The following ACAD11 variants were observed in gnomAD, a reference collection of about 807,000 sequenced individuals.
ACAD11 encodes acyl-Coenzyme A dehydrogenase family, member 11.
ACAD11 carries 83 observed loss-of-function variants against 102.2 expected under a neutral mutation model. That is an observed-to-expected ratio of 0.81 (90% CI 0.68 to 0.97). The LOEUF (loss-of-function observed/expected upper bound fraction) is 0.97. Ranked by LOEUF, ACAD11 falls within the 50% of genes least tolerant of loss-of-function variation. ACAD11 has a pLI of 0.00. For synonymous variants in ACAD11, 324 were observed against 319.8 expected, an observed-to-expected ratio of 1.01 and a Z score of -0.14; for missense variants, 901 against 951.7, an observed-to-expected ratio of 0.95 and a Z score of 0.70.
intron 11 of ACAD11, among the ~76,000 whole-genome samples, chr3:132,616,070 C>T (rs1031358856): frequency 2.6e-5 from 4 of 152,158 alleles, no homozygotes; most frequent in Admixed American, 2.6e-4. Flanking sequence ...CTGCCTTCTT[C>T]ATCTGCTTTG....
chr3:132,588,005 C>A (rs1346856000), intron 13 of ACAD11, among the ~76,000 whole-genome samples: 1 of 152,160 alleles, frequency 6.6e-6, no homozygotes, highest in Non-Finnish European at 1.5e-5. Flanking sequence ...ACACTCTCCT[C>A]TGGTTCCTCA....
At chr3:132,561,803 T>C (rs933617277) in intron 17 of ACAD11, among the ~76,000 whole-genome samples, 1 of 152,236 alleles carries the variant, frequency 6.6e-6, no homozygotes, top group African/African-American at 2.4e-5. Flanking sequence ...CAGAACTCCC[T>C]GGTGCTGCCC....
At chr3:132,638,917 T>C (rs889987499) in intron 5 of ACAD11, among the ~76,000 whole-genome samples, 11 of 152,200 alleles carry the variant, frequency 7.2e-5, no homozygotes, top group African/African-American at 2.7e-4. Flanking sequence ...CCTACTATAC[T>C]GTAATCCTAG....
chr3:132,658,471 T>C (rs902000717), intron 1 of ACAD11, among the ~76,000 whole-genome samples: 1 of 152,236 alleles, frequency 6.6e-6, no homozygotes, highest in Non-Finnish European at 1.5e-5. Context: ...TCCTACAATA[T>C]GAACGTTACT....
In ACAD11 at chr3:132,575,816, G is replaced by A. The variant is rs112403332; in HGVS notation, c.1957C>T (p.Arg653Trp). The change falls in exon 17 of 20, where the codon CGG becomes TGG. Residue 653 changes from arginine (R) to tryptophan (W), a missense_variant. Coordinates refer to ENST00000264990, the MANE Select transcript of ACAD11 (RefSeq NM_032169.5). ...AERALQIMCE[R>W]ATQRIAFKKK... ...TTGAAAGCTATCCTTTGTGTTGCCC[G>A]CTCACACATGATCTGCAAAGCGCGT... 21 of 1,613,826 alleles carry A rather than the reference G, an allele frequency of 1.3e-5. No individual in the cohort carries two copies. Among genetic ancestry groups the A allele is most frequent in the South Asian group, 3.3e-5 (3 of 91,066 alleles).
chr3:132,614,019 T>C (rs577171669), intron 11 of ACAD11, among the ~76,000 whole-genome samples: 1 of 152,204 alleles, frequency 6.6e-6, no homozygotes, highest in East Asian at 1.9e-4. Context: ...AGCATTCCTA[T>C]ACACCAATAA....
In ACAD11 at chr3:132,626,947, A is replaced by T. The variant is rs1024724806; in HGVS notation, c.1071-130T>A. 59 of 871,674 alleles carry T rather than the reference A, an allele frequency of 6.8e-5. No homozygotes were observed. The Admixed American group carries it at 7.7e-4, about 11-fold the overall frequency. 54.0% of individuals were successfully genotyped at this position (871,674 alleles called of 1,614,324 possible). ...CCCCCAGAAGGAGTAGCTGTATTTT[A>T]TATTTTAAAAAAGTCTTCCATATTA... On this transcript the variant is annotated intron_variant, in intron 8 of 19. Coordinates refer to ENST00000264990, the MANE Select transcript of ACAD11 (RefSeq NM_032169.5).
intron 1 of ACAD11, chr3:132,649,829 A>G (rs1261001875): frequency 2.6e-5 from 4 of 152,248 alleles, no homozygotes; most frequent in African/African-American, 7.2e-5. Flanking sequence ...TGAGTGAGCA[A>G]TGATGAAGGA....
chr3:132,659,193 GT>G (rs1937990194), intron 1 of ACAD11, among the ~76,000 whole-genome samples: 1 of 152,092 alleles, frequency 6.6e-6, no homozygotes, highest in Non-Finnish European at 1.5e-5. Flanking sequence ...CCTCCATCTG[GT>G]GTCATTAACT....
At chr3:132,565,276 C>A (rs767620087) in intron 17 of ACAD11, among the ~76,000 whole-genome samples, 1 of 152,168 alleles carries the variant, frequency 6.6e-6, no homozygotes, top group African/African-American at 2.4e-5. Flanking sequence ...TTCCTCCCCA[C>A]TGGCCAGTAA....
At chr3:132,577,468 T>C (rs1436463008) in intron 15 of ACAD11, among the ~76,000 whole-genome samples, 3 of 152,312 alleles carry the variant, frequency 2.0e-5, no homozygotes, top group Middle Eastern at 3.4e-3. Context: ...CGCCTAAAGA[T>C]GACAGGGGCC....
intron 1 of ACAD11, among the ~76,000 whole-genome samples, chr3:132,652,766 G>T (rs1283654936): frequency 6.6e-6 from 1 of 152,126 alleles, no homozygotes; most frequent in Non-Finnish European, 1.5e-5. Flanking sequence ...AAGCAAAGGT[G>T]TGATCTAAGA....
Position 132,612,055 on chromosome 3 carries a change from C to T in ACAD11, c.1414+6579G>A, listed in dbSNP as rs1400029629. Among the ~76,000 whole-genome samples, 5 of 152,034 alleles carry T rather than the reference C, an allele frequency of 3.3e-5. No homozygotes were observed. In the East Asian group the frequency reaches 9.7e-4, roughly 29 times the overall value. On this transcript the variant is annotated intron_variant, in intron 11 of 19. Transcript: ENST00000264990. Reference sequence around the variant, plus strand: ...CAGACCAATGGAACAGAACAGAGCCCTCAGAAATAATGCCGCATATCTACA... The same window carrying T: ...CAGACCAATGGAACAGAACAGAGCCTTCAGAAATAATGCCGCATATCTACA...
chr3:132,655,529 C>T (rs192626058), intron 1 of ACAD11, among the ~76,000 whole-genome samples: 183 of 152,304 alleles, frequency 1.2e-3, no homozygotes, highest in Non-Finnish European at 2.0e-3. Context: ...TTAGCAGTCC[C>T]CTCTGTCTGG....
intron 5 of ACAD11, among the ~76,000 whole-genome samples, chr3:132,633,285 G>T (rs150812006): frequency 2.6e-5 from 4 of 152,144 alleles, no homozygotes; most frequent in East Asian, 1.9e-4. Context: ...TAGCATGAAG[G>T]GTTGTTGAAT....
At chr3:132,581,758 T>G (rs1395641130) in intron 13 of ACAD11, among the ~76,000 whole-genome samples, 2 of 152,024 alleles carry the variant, frequency 1.3e-5, no homozygotes, top group Non-Finnish European at 2.9e-5. Flanking sequence ...TGACCTTGAT[T>G]CTAGAAACAG....
chr3:132,609,518 C>A (rs1939017254), intron 11 of ACAD11, among the ~76,000 whole-genome samples: 1 of 152,120 alleles, frequency 6.6e-6, no homozygotes, highest in South Asian at 2.1e-4. Flanking sequence ...TGCAAATAAA[C>A]TAGAAAATCT....
At chr3:132,572,903 T>TTC (rs1368538253) in intron 17 of ACAD11, among the ~76,000 whole-genome samples, 2 of 152,134 alleles carry the variant, frequency 1.3e-5, no homozygotes, top group Non-Finnish European at 2.9e-5. Flanking sequence ...TAATTGTCCT[T>TTC]TTATTTTCCT....
intron 13 of ACAD11, among the ~76,000 whole-genome samples, chr3:132,590,476 G>A (rs369951221): frequency 2.0e-5 from 3 of 151,928 alleles, no homozygotes; most frequent in South Asian, 2.1e-4. Context: ...CAAACTCCTC[G>A]CCTCAAGTGA....
Sources: gnomAD v4.1 joint callset for allele counts (sites outside exome capture counted in the v4.1 genomes callset) on GRCh38, gnomAD v4.1.1 for gene constraint, MANE v1.5 for transcripts, NCBI Gene and HGNC (gene_info 2026-07-23, HGNC 2026-07-21) for gene names.